Variants in KRT23 observed in about 807,000 individuals in gnomAD.
KRT23 encodes the protein keratin 23.
A neutral mutation model predicts 47.6 loss-of-function variants in KRT23; 38 were observed. The ratio of observed to expected loss-of-function variants is 0.80; its 90% CI spans 0.62 to 1.05. The LOEUF (loss-of-function observed/expected upper bound fraction) is 1.05. Ranked by LOEUF, KRT23 falls within the 50% of genes least tolerant of loss-of-function variation. The pLI, the probability that KRT23 is intolerant of heterozygous loss-of-function variation, is 0.00. For synonymous variants in KRT23, 191 were observed against 199.0 expected (o/e 0.96, Z 0.34); for missense variants, 503 against 529.5 (o/e 0.95, Z 0.49).
At chr17:40,931,012 CTTT>C (rs1165590099) in intron 3 of KRT23, among the ~76,000 whole-genome samples, 3 of 120,814 alleles carry the variant, frequency 2.5e-5, no homozygotes. Context: ...ATGAGTTTTC[CTTT>C]TTTTTTTTTT....
rs763380762 is a variant in KRT23, at chr17:40,928,218, T to C, written c.921+20A>G. 1 of 1,613,494 alleles carries C rather than the reference T, an allele frequency of 6.2e-7. No homozygotes were observed. The highest frequency in any genetic ancestry group is 8.5e-7 in the Non-Finnish European group (1 of 1,179,808). ...GAAGGAGGTGGTGTGGGATTCACGG[T>C]TTTCCTAGCCTTGACTCACCGTGCT... On this transcript the variant is annotated intron_variant, in intron 6 of 8. Coordinates refer to ENST00000209718, the MANE Select transcript of KRT23 (RefSeq NM_015515.5).
At position 40,922,798 on chromosome 17, in the gene KRT23, T is replaced by C; in HGVS notation, c.*191A>G. ...GAGCTTTACCCTCATAAACTCGCAC[T>C]TTGATTAGAAAAGTGCAATATATTA... On this transcript the variant is annotated 3_prime_UTR_variant, in exon 9 of 9. Transcript: ENST00000209718. 1 of 496,608 alleles carries C rather than the reference T, an allele frequency of 2.0e-6. No homozygotes were observed. The highest frequency in any genetic ancestry group is 3.4e-5 in the East Asian group (1 of 29,366). The allele number at this position is 496,608 out of a possible 1,614,324, so 30.8% of individuals were successfully genotyped here.
chr17:40,935,810 C>T (rs1910020530), intron 2 of KRT23, among the ~76,000 whole-genome samples: 1 of 152,210 alleles, frequency 6.6e-6, no homozygotes, highest in Non-Finnish European at 1.5e-5. Flanking sequence ...GCCTGGTGCA[C>T]TGAGCATGCA....
intron 2 of KRT23, among the ~76,000 whole-genome samples, chr17:40,934,397 T>C (rs904695820): frequency 6.6e-6 from 1 of 152,214 alleles, no homozygotes; most frequent in South Asian, 2.1e-4. Context: ...CCAGGTCATC[T>C]GAAGGGTGGG....
Position 40,922,980 on chromosome 17 carries a change from T to C in KRT23, c.*9A>G. 1.2e-6 allele frequency: 2 copies of C among 1,604,890 alleles called. No individual in the cohort carries two copies. The highest frequency in any genetic ancestry group is 8.5e-7 in the Non-Finnish European group (1 of 1,171,688). On this transcript the variant is annotated 3_prime_UTR_variant, in exon 9 of 9. Coordinates refer to ENST00000209718, the MANE Select transcript of KRT23 (RefSeq NM_015515.5). ...TAGATTTTACAACAGGCGGAAACTT[T>C]CATTGGTCTCATGCGTGCTTTTGGA...
In KRT23 at chr17:40,936,549, C is replaced by T. The variant is rs758942765; in HGVS notation, c.55G>A (p.Gly19Arg). 4 of 1,521,000 alleles carry T rather than the reference C, an allele frequency of 2.6e-6. No homozygotes were observed. The highest frequency in any genetic ancestry group is 1.8e-6 in the Non-Finnish European group (2 of 1,137,544). 94.2% of individuals were successfully genotyped at this position (1,521,000 alleles called of 1,614,324 possible). The part of the protein sequence containing the change: ...QTPSASFHGA[G>R]GGWGRPRSFP... ...CTCCTGGGCCGGCCCCAGCCACCTC[C>T]GGCGCCATGGAAGGAGGCCGAGGGG... Residue 19 changes from glycine (G) to arginine (R), a missense_variant, in exon 2 of 9, where the codon GGA (glycine) becomes AGA (arginine). Coordinates refer to ENST00000209718, the MANE Select transcript of KRT23 (RefSeq NM_015515.5).
rs759258942 is a variant in KRT23 at position 40,928,362 on chromosome 17, T to C, written c.799-2A>G. ...TGCCTCCTGGGACATGGCTGCAGAC[T>C]GTGGGACCAAGCAAGGCAAAGGCGT... On this transcript the variant is annotated splice_acceptor_variant, in intron 5 of 8. Coordinates refer to ENST00000209718, the MANE Select transcript of KRT23 (RefSeq NM_015515.5). LOFTEE classifies it high-confidence loss of function. The C allele has an allele frequency of 1.2e-6, 2 of 1,614,222 alleles. No homozygotes were observed. Among genetic ancestry groups the C allele is most frequent in the South Asian group, 2.2e-5 (2 of 91,090 alleles).
In KRT23 at chr17:40,929,938, A is replaced by G. The variant is rs781730073; in HGVS notation, c.636+2T>C. On this transcript the variant is annotated splice_donor_variant, in intron 4 of 8. Coordinates refer to ENST00000209718, the MANE Select transcript of KRT23 (RefSeq NM_015515.5). LOFTEE classifies it high-confidence loss of function. ...TTAGCAGGTGTTCCTGGGGAGTTGT[A>G]CCTGCTCATGGTGCTTCTTCATGAG... 1.9e-6 allele frequency: 3 copies of G among 1,613,618 alleles called. No individual in the cohort carries two copies. Among genetic ancestry groups the G allele is most frequent in the Non-Finnish European group, 2.5e-6 (3 of 1,179,820 alleles).
At chr17:40,931,136 C>G (rs1182728422) in intron 3 of KRT23, among the ~76,000 whole-genome samples, 1 of 151,138 alleles carries the variant, frequency 6.6e-6, no homozygotes, top group African/African-American at 2.4e-5. Context: ...CTCAGCCTCC[C>G]GAGTAGCTGG....
rs932808455 is a variant in KRT23, at chr17:40,936,069, C to A, written c.396+139G>T. 10 of 836,158 alleles carry A rather than the reference C, an allele frequency of 1.2e-5. No homozygotes were observed. In the Admixed American group the frequency reaches 2.0e-4, roughly 16 times the overall value. 51.8% of individuals were successfully genotyped at this position (836,158 alleles called of 1,614,324 possible). A position where few individuals can be genotyped will look rare whatever the true frequency, so the allele number is the denominator to read the frequency against. ...AATTTAAGATATAATAAGAAAACATCCCCCAAAACCTTTGTGCACAATTAC... is the reference window on the plus strand; with the variant it reads ...AATTTAAGATATAATAAGAAAACATACCCCAAAACCTTTGTGCACAATTAC... On this transcript the variant is annotated intron_variant, in intron 2 of 8. Transcript: ENST00000209718.
At chr17:40,929,027 CAAAAAAAAAAAA>C (rs3067615) in intron 4 of KRT23, among the ~76,000 whole-genome samples, 2 of 64,278 alleles carry the variant, frequency 3.1e-5, no homozygotes, top group Admixed American at 2.0e-4. Flanking sequence ...ACCCTGTCTC[CAAAAAAAAAAAA>C]AAAAAAAAAA....
chr17:40,931,291 T>A (rs1909658632), intron 3 of KRT23, 82 bp downstream of exon 3: 1 of 998,020 alleles, frequency 1.0e-6, no homozygotes, highest in Non-Finnish European at 1.6e-6. Flanking sequence ...ATTACAGGTG[T>A]GAGCCACCGC....
chr17:40,932,942 TTATTCA>T (rs1200885531), intron 2 of KRT23, among the ~76,000 whole-genome samples: 1 of 152,198 alleles, frequency 6.6e-6, no homozygotes, highest in African/African-American at 2.4e-5. Context: ...GAGTCTCAGT[TTATTCA>T]TCCATAAAAT....
chr17:40,924,399 T>C (rs1361718607), intron 8 of KRT23, 73 bp downstream of exon 8: 2 of 1,233,098 alleles, frequency 1.6e-6, no homozygotes, highest in Non-Finnish European at 2.4e-6. Flanking sequence ...TTAAGGATTA[T>C]GACTACTACA....
At position 40,931,417 on chromosome 17, in the gene KRT23, A is replaced by T. The variant is rs760186866; in HGVS notation, c.435T>A (p.Leu145=). ...CTGCCATCCTGGCATTGTCAATGAG[A>T]AGAATAATCTGAGCATTGGTCATCT... ...DGKMTNAQII[L]LIDNARMAVD... Residue 145 remains leucine (L), a synonymous_variant, in exon 3 of 9, where the codon CTT becomes CTA. Coordinates refer to ENST00000209718, the MANE Select transcript of KRT23 (RefSeq NM_015515.5). 26 of 1,613,624 alleles carry T rather than the reference A, an allele frequency of 1.6e-5. No individual in the cohort carries two copies. The highest frequency in any genetic ancestry group is 1.4e-5 in the Non-Finnish European group (17 of 1,179,594).
chr17:40,931,582 C>T, intron 2 of KRT23, 127 bp from the exon 3 acceptor site: 1 of 669,172 alleles, frequency 1.5e-6, no homozygotes, highest in Non-Finnish European at 2.7e-6. Context: ...CTTGTTCTGG[C>T]AGTGGAACAA....
rs1230892096 is a variant in KRT23 at position 40,934,904 on chromosome 17, A to G, written c.396+1304T>C. Among the ~76,000 whole-genome samples the G allele has an allele frequency of 3.3e-5, 5 of 152,216 alleles. No homozygotes were observed. The South Asian group carries it at 8.3e-4, about 25-fold the overall frequency. On this transcript the variant is annotated intron_variant, in intron 2 of 8. Transcript: ENST00000209718. The stretch of plus-strand genomic sequence containing the variant: ...CCTAGGTACATAATAAGTGCTCAGT[A>G]AACATTTCCCTCTCTTTCCTCCCTT...
intron 6 of KRT23, 111 bp downstream of exon 6, chr17:40,928,127 A>G (rs1415847705): frequency 1.5e-5 from 20 of 1,343,740 alleles, no homozygotes; most frequent in Non-Finnish European, 2.1e-5. Context: ...TGGAAAGTGG[A>G]AAGTGAGAGT....
Position 40,931,356 on chromosome 17 carries a change from G to A in KRT23, c.479+17C>T. On this transcript the variant is annotated intron_variant, in intron 3 of 8. Transcript: ENST00000209718. Reference sequence around the variant, plus strand: ...AACAAACAAAAACCCGAACAACCCTGTGAAGAAGGAACTTACTTGAGGTTG... The same window carrying A: ...AACAAACAAAAACCCGAACAACCCTATGAAGAAGGAACTTACTTGAGGTTG... The A allele has an allele frequency of 6.3e-7, 1 of 1,585,272 alleles. No homozygotes were observed. The highest frequency in any genetic ancestry group is 8.7e-7 in the Non-Finnish European group (1 of 1,153,626).
Sources: gnomAD v4.1 joint callset for allele counts (sites outside exome capture counted in the v4.1 genomes callset) on GRCh38, gnomAD v4.1.1 for gene constraint, MANE v1.5 for transcripts, NCBI Gene and HGNC (gene_info 2026-07-23, HGNC 2026-07-21) for gene names.